ASIC2: variants seen among roughly 807,000 people sequenced by gnomAD.
ASIC2 encodes acid sensing ion channel subunit 2, also known as acid-sensing ion channel 2.
In ASIC2, 25 loss-of-function variants were observed where a neutral mutation model predicts 57.3. The ratio of observed to expected loss-of-function variants is 0.44; its 90% CI spans 0.32 to 0.61. The LOEUF (loss-of-function observed/expected upper bound fraction) is 0.61, where lower values mean the gene tolerates loss of function less well. Ranked by LOEUF, ASIC2 falls within the 20% of genes least tolerant of loss-of-function variation. ASIC2 has a pLI of 0.06. For synonymous variants in ASIC2, 319 were observed against 307.5 expected (o/e 1.04, Z -0.39); for missense variants, 641 against 738.1 (o/e 0.87, Z 1.52).
At chr17:33,998,088 A>T (rs1906218215) in intron 1 of ASIC2, among the ~76,000 whole-genome samples, 1 of 151,928 alleles carries the variant, frequency 6.6e-6, no homozygotes, top group South Asian at 2.1e-4. Flanking sequence ...GCCTGTTCAG[A>T]TTATCTGTTG....
At chr17:33,165,498 T>C (rs931973753) in intron 1 of ASIC2, among the ~76,000 whole-genome samples, 1 of 152,108 alleles carries the variant, frequency 6.6e-6, no homozygotes, top group African/African-American at 2.4e-5. Context: ...TGTGTATGCA[T>C]ATATTTGTGA....
Position 33,161,857 on chromosome 17 carries a change from G to GTTT in ASIC2, c.709-49793_709-49791dup, listed in dbSNP as rs199823485. On this transcript the variant is annotated intron_variant, in intron 1 of 9. Transcript: ENST00000225823. ...TAAGTAATAAAGCCAGAATTCCTAG[G>GTTT]TTTTTTTTTTTTTTTTTTTTTTTTT... 5.1e-4 allele frequency among the ~76,000 whole-genome samples: 48 copies of GTTT among 94,218 alleles called. 3 individuals carry two copies. The highest frequency in any genetic ancestry group is 7.2e-4 in the Non-Finnish European group (35 of 48,530). The allele number at this position is 94,218 out of a possible 152,430, so 61.8% of individuals were successfully genotyped here.
At chr17:33,060,448 G>T (rs1455302829) in intron 3 of ASIC2, among the ~76,000 whole-genome samples, 1 of 152,118 alleles carries the variant, frequency 6.6e-6, no homozygotes, top group Admixed American at 6.5e-5. Context: ...TTTTTGTAAG[G>T]TTTGTCAAAG....
chr17:33,998,282 C>T (rs1361352241), intron 1 of ASIC2, among the ~76,000 whole-genome samples: 1 of 151,950 alleles, frequency 6.6e-6, no homozygotes, highest in African/African-American at 2.4e-5. Context: ...TTTTCTTAGT[C>T]CAGCTAAAGG....
intron 1 of ASIC2, among the ~76,000 whole-genome samples, chr17:33,559,967 T>C (rs1314495396): frequency 2.6e-5 from 4 of 152,232 alleles, no homozygotes; most frequent in Non-Finnish European, 5.9e-5. Context: ...CAACTCAGGA[T>C]GCTGACTACA....
chr17:33,431,138 G>A (rs1366427699), intron 1 of ASIC2, among the ~76,000 whole-genome samples: 1 of 152,212 alleles, frequency 6.6e-6, no homozygotes, highest in Non-Finnish European at 1.5e-5. Flanking sequence ...GTAAAACTGG[G>A]AAGGGGTCTG....
Position 33,243,883 on chromosome 17 carries a change from G to A in ASIC2, c.708+47525C>T, listed in dbSNP as rs7501476. On this transcript the variant is annotated intron_variant, in intron 1 of 9. Coordinates refer to ENST00000225823, the MANE Select transcript of ASIC2 (RefSeq NM_183377.2). ...AGAAGGACAATCTAACCGGGAGTTG[G>A]GAAAAGCAAGTGCTAGTTTGGCTTT... is the stretch of plus-strand genomic sequence containing the variant. Among the ~76,000 whole-genome samples, 567 of 152,228 alleles carry A rather than the reference G, an allele frequency of 3.7e-3. 1 individual carries two copies. Among genetic ancestry groups the A allele is most frequent in the Non-Finnish European group, 6.2e-3 (424 of 68,022 alleles).
intron 1 of ASIC2, among the ~76,000 whole-genome samples, chr17:33,982,150 T>C (rs145156314): frequency 6.6e-6 from 1 of 152,348 alleles, no homozygotes; most frequent in Non-Finnish European, 1.5e-5. Context: ...CTGGAGCCAT[T>C]GCTTGGAAAT....
At chr17:33,448,230 G>C (rs1912108676) in intron 1 of ASIC2, among the ~76,000 whole-genome samples, 1 of 151,936 alleles carries the variant, frequency 6.6e-6, no homozygotes, top group African/African-American at 2.4e-5. Flanking sequence ...TGGCTAATCA[G>C]GCTGTGGCTG....
chr17:33,166,371 G>A, intron 1 of ASIC2, among the ~76,000 whole-genome samples: 1 of 152,226 alleles, frequency 6.6e-6, no homozygotes, highest in East Asian at 1.9e-4. Flanking sequence ...GGGAGAAAAA[G>A]TCTATGAACA....
chr17:33,452,615 C>T (rs576140064), intron 1 of ASIC2, among the ~76,000 whole-genome samples: 1 of 152,204 alleles, frequency 6.6e-6, no homozygotes, highest in South Asian at 2.1e-4. Context: ...ACAAAGTGGA[C>T]TTTTTAGTGC....
At chr17:33,670,666 T>A (rs77076113) in intron 1 of ASIC2, among the ~76,000 whole-genome samples, 1 of 152,158 alleles carries the variant, frequency 6.6e-6, no homozygotes, top group Admixed American at 6.5e-5. Flanking sequence ...CAACCTCATC[T>A]TTCTGAAATG....
chr17:33,672,038 GA>G (rs1220431525), intron 1 of ASIC2, among the ~76,000 whole-genome samples: 7 of 151,774 alleles, frequency 4.6e-5, no homozygotes, highest in African/African-American at 9.7e-5. Flanking sequence ...GAAAAGCCAA[GA>G]AAAAAAATTT....
chr17:33,580,101 A>T (rs1193441553), intron 1 of ASIC2: 1 of 152,228 alleles, frequency 6.6e-6, no homozygotes, highest in Non-Finnish European at 1.5e-5. Context: ...TTCACGTCTT[A>T]TTAACATCCT....
At chr17:33,604,846 C>T (rs921336773) in intron 1 of ASIC2, among the ~76,000 whole-genome samples, 1 of 152,094 alleles carries the variant, frequency 6.6e-6, no homozygotes, top group Non-Finnish European at 1.5e-5. Flanking sequence ...CCCTAAAACT[C>T]GTTCTTTCCC....
At chr17:33,887,976 C>T (rs561488862) in intron 1 of ASIC2, among the ~76,000 whole-genome samples, 6 of 152,188 alleles carry the variant, frequency 3.9e-5, no homozygotes, top group African/African-American at 9.6e-5. Context: ...TGGTTTCTGC[C>T]GATTTTGCAT....
chr17:33,275,883 G>T (rs772233538), intron 1 of ASIC2, among the ~76,000 whole-genome samples: 15 of 152,326 alleles, frequency 9.8e-5, no homozygotes, highest in Non-Finnish European at 1.5e-4. Flanking sequence ...AATCCCAGCA[G>T]CTCGACATGG....
intron 1 of ASIC2, among the ~76,000 whole-genome samples, chr17:33,449,772 T>G (rs1912177729): frequency 6.9e-6 from 1 of 144,864 alleles, no homozygotes; most frequent in Non-Finnish European, 1.6e-5. Context: ...TTCTTTTTTC[T>G]TTTCTTTTTT....
chr17:33,504,766 T>C (rs553261170), intron 1 of ASIC2, among the ~76,000 whole-genome samples: 16 of 152,354 alleles, frequency 1.1e-4, no homozygotes, highest in African/African-American at 3.6e-4. Context: ...AAATCAGCTC[T>C]TTCCATCCTG....
Sources: gnomAD v4.1 joint callset for allele counts (sites outside exome capture counted in the v4.1 genomes callset) on GRCh38, gnomAD v4.1.1 for gene constraint, MANE v1.5 for transcripts, NCBI Gene and HGNC (gene_info 2026-07-23, HGNC 2026-07-21) for gene names.